Variants in MMS19 observed in about 807,000 individuals in gnomAD.
MMS19 encodes MMS19 cytosolic iron-sulfur assembly component.
In MMS19, 77 loss-of-function variants were observed where a neutral mutation model predicts 129.8. The ratio of observed to expected loss-of-function variants is 0.59; its 90% confidence interval spans 0.49 to 0.72. MMS19 has a LOEUF of 0.72. Ranked by LOEUF, MMS19 falls within the 30% of genes least tolerant of loss-of-function variation. The probability of loss-of-function intolerance (pLI) is 0.00; values close to 1 mark genes in which losing one functional copy is unlikely to be tolerated. For synonymous variants in MMS19, 491 were observed against 502.8 expected, an observed-to-expected ratio of 0.98 and a Z score of 0.31; for missense variants, 1,168 against 1,266.3, an observed-to-expected ratio of 0.92 and a Z score of 1.18.
rs1441612312 is a variant in MMS19 at position 97,461,508 on chromosome 10, T to C, written c.2299A>G (p.Lys767Glu). 6.2e-7 allele frequency: 1 copy of C among 1,606,634 alleles called. No individual in the cohort carries two copies. Among genetic ancestry groups the C allele is most frequent in the Non-Finnish European group, 8.5e-7 (1 of 1,176,558 alleles). Residue 767 changes from lysine to glutamate, a missense_variant, in exon 23 of 31, where the codon AAG (lysine) becomes GAG (glutamate). By Grantham distance (56) the Lys-to-Glu change is moderately conservative. Transcript: ENST00000438925. The part of the protein sequence containing the change: ...AAKCFAGLLN[K>E]HPAGQQLDEF... ...CTGATCTCAGTACCTGCAGGGTGCT[T>C]GTTGAGGAGTCCTGCAAAGCACTTG...
At position 97,459,696 on chromosome 10, in the gene MMS19, C is replaced by T. The variant is rs965288506; in HGVS notation, c.2702G>A (p.Arg901Lys). The T allele has an allele frequency of 3.7e-6, 6 of 1,612,568 alleles. No individual in the cohort carries two copies. Among genetic ancestry groups the T allele is most frequent in the Non-Finnish European group, 5.1e-6 (6 of 1,179,386 alleles). ...YLKGLSHVLN[R>K]LPKPVLLPEL... ...TGGCAAGAGTACAGGCTTGGGCAGCCTGTTAAGTACATGAGAAAGACCCTT... is the reference window on the plus strand; with the variant it reads ...TGGCAAGAGTACAGGCTTGGGCAGCTTGTTAAGTACATGAGAAAGACCCTT... The change falls in exon 27 of 31, where the codon AGG (arginine) becomes AAG (lysine). Residue 901 changes from arginine to lysine, a missense_variant. Around this residue, in one of 3 missense-constraint regions of MMS19, gnomAD observed 831 missense variants for 910.8 expected, o/e 0.91. Transcript: ENST00000438925.
Position 97,470,935 on chromosome 10 carries a change from C to T in MMS19, c.685-74G>A, listed in dbSNP as rs189789568. On this transcript the variant is annotated intron_variant, in intron 8 of 30. Transcript: ENST00000438925. ...TTGAACACAGGCTCGAACCTGGTAACCCTGCAGAACAGGGTGATACTCATA... is the reference window on the plus strand; with the variant it reads ...TTGAACACAGGCTCGAACCTGGTAATCCTGCAGAACAGGGTGATACTCATA... 40 of 1,241,294 alleles carry T rather than the reference C, an allele frequency of 3.2e-5. 1 individual carries two copies. The South Asian group carries it at 5.1e-4, about 16-fold the overall frequency. The allele number at this position is 1,241,294 out of a possible 1,614,324, so 76.9% of individuals were successfully genotyped here.
intron 18 of MMS19, among the ~76,000 whole-genome samples, chr10:97,464,520 C>T (rs2032925526): frequency 6.6e-6 from 1 of 152,084 alleles, no homozygotes; most frequent in Non-Finnish European, 1.5e-5. Flanking sequence ...CTACGAGTTA[C>T]CAGGGTACAC....
At position 97,466,855 on chromosome 10, in the gene MMS19, T is replaced by C. The variant is rs377124121; in HGVS notation, c.1344A>G (p.Val448=). Residue 448 remains valine, a synonymous_variant, in exon 15 of 31, where the codon GTA becomes GTG. Coordinates refer to ENST00000438925, the MANE Select transcript of MMS19 (RefSeq NM_022362.5). ...TGCTGGGGTCTGTTAGAGCCATGAA[T>C]ACCAGTGAGCACAGCTGGTCCTTGA... ...NGFKDQLCSL[V]FMALTDPSTQ... The C allele has an allele frequency of 9.3e-6, 15 of 1,613,884 alleles. No individual in the cohort carries two copies. Among genetic ancestry groups the C allele is most frequent in the Non-Finnish European group, 1.2e-5 (14 of 1,179,878 alleles).
At chr10:97,497,230 T>C (rs1326438810) in intron 1 of MMS19, among the ~76,000 whole-genome samples, 1 of 152,226 alleles carries the variant, frequency 6.6e-6, no homozygotes, top group South Asian at 2.1e-4. Flanking sequence ...TATATTCCTA[T>C]TGCTTTGCAT....
In MMS19 at chr10:97,470,798, C is replaced by T; in HGVS notation, c.748G>A (p.Ala250Thr). Residue 250 changes from alanine (A) to threonine (T), a missense_variant, in exon 9 of 31, where the codon GCT becomes ACT. Physicochemically the swap from Ala to Thr is moderately conservative, Grantham distance 58. Transcript: ENST00000438925. ...ACCTCAGCAAATCGTGGTGTAGAAGCCAGCACAGCGCGAAGACTCAGGATG... is the reference window on the plus strand; with the variant it reads ...ACCTCAGCAAATCGTGGTGTAGAAGTCAGCACAGCGCGAAGACTCAGGATG... ...DLILSLRAVL[A>T]STPRFAEFLL... is the part of the protein sequence containing the mutation. The T allele has an allele frequency of 6.2e-7, 1 of 1,613,398 alleles. No homozygotes were observed. Among genetic ancestry groups the T allele is most frequent in the South Asian group, 1.1e-5 (1 of 91,022 alleles).
Position 97,498,399 on chromosome 10 carries a change from A to G in MMS19, c.-15T>C. 1 of 1,578,390 alleles carries G rather than the reference A, an allele frequency of 6.3e-7. No homozygotes were observed. Among genetic ancestry groups the G allele is most frequent in the Non-Finnish European group, 8.5e-7 (1 of 1,170,344 alleles). ...GCAGCGGCCATAACGCGAACTAGAGACCGTGGGAGGGGATATGGGCGGTGG... is the reference window on the plus strand; with the variant it reads ...GCAGCGGCCATAACGCGAACTAGAGGCCGTGGGAGGGGATATGGGCGGTGG... On this transcript the variant is annotated 5_prime_UTR_variant, in exon 1 of 31. Transcript: ENST00000438925.
chr10:97,482,109 G>A (rs966009990), intron 2 of MMS19, among the ~76,000 whole-genome samples: 3 of 152,200 alleles, frequency 2.0e-5, no homozygotes, highest in African/African-American at 4.8e-5. Flanking sequence ...CCAGGAGATC[G>A]AGGCTGCAGT....
Position 97,458,728 on chromosome 10 carries a change from A to G in MMS19, c.3066-9T>C. On this transcript the variant is annotated splice_polypyrimidine_tract_variant and intron_variant, in intron 30 of 30. Transcript: ENST00000438925. ...GGCTCCCCAACAGAAACCTGTAGGC[A>G]AAAAGAAAGTTGGCAGCATTAGTGA... The G allele has an allele frequency of 6.2e-7, 1 of 1,611,910 alleles. No homozygotes were observed. The highest frequency in any genetic ancestry group is 8.5e-7 in the Non-Finnish European group (1 of 1,178,902).
intron 14 of MMS19, 129 bp downstream of exon 14, chr10:97,467,376 C>G (rs2033726457): frequency 1.5e-6 from 1 of 652,490 alleles, no homozygotes; most frequent in Non-Finnish European, 2.7e-6. Flanking sequence ...TAAGTGTTCT[C>G]TTGTGCTACA....
chr10:97,469,561 G>A (rs1008664769), intron 11 of MMS19, 85 bp downstream of exon 11: 1 of 1,139,538 alleles, frequency 8.8e-7, no homozygotes, highest in East Asian at 2.4e-5. Context: ...GGGGATGACA[G>A]AGGGAAAAGG....
intron 1 of MMS19, among the ~76,000 whole-genome samples, chr10:97,492,139 A>T (rs983438851): frequency 6.9e-6 from 1 of 144,152 alleles, no homozygotes; most frequent in African/African-American, 2.5e-5. Flanking sequence ...CTCAATCTAA[A>T]AAAAAAAAAA....
At chr10:97,475,119 G>A (rs1462452274) in intron 8 of MMS19, among the ~76,000 whole-genome samples, 7 of 152,262 alleles carry the variant, frequency 4.6e-5, no homozygotes, top group Non-Finnish European at 1.0e-4. Context: ...GGAATATTAT[G>A]CAGCCATAAA....
chr10:97,468,449 G>A (rs2033983857), intron 12 of MMS19, 43 bp from the exon 13 acceptor site: 5 of 1,540,830 alleles, frequency 3.2e-6, no homozygotes, highest in Non-Finnish European at 4.4e-6. Context: ...GAGGCCAAAT[G>A]GTGCCTGACT....
intron 1 of MMS19, among the ~76,000 whole-genome samples, chr10:97,489,554 G>C (rs2038519035): frequency 6.6e-6 from 1 of 152,206 alleles, no homozygotes; most frequent in Admixed American, 6.5e-5. Flanking sequence ...TAAGAGATTA[G>C]GTTAGCACTG....
At chr10:97,489,804 C>T (rs2038575469) in intron 1 of MMS19, among the ~76,000 whole-genome samples, 1 of 152,194 alleles carries the variant, frequency 6.6e-6, no homozygotes, top group Admixed American at 6.5e-5. Flanking sequence ...ATGTTTCCCT[C>T]ATGTTTAGAC....
At chr10:97,491,564 C>CT (rs1381811800) in intron 1 of MMS19, among the ~76,000 whole-genome samples, 3 of 152,160 alleles carry the variant, frequency 2.0e-5, no homozygotes, top group Non-Finnish European at 4.4e-5. Flanking sequence ...ACTCAGGAGA[C>CT]TGAGGCAGAA....
intron 2 of MMS19, among the ~76,000 whole-genome samples, chr10:97,482,108 C>T (rs1017596695): frequency 1.3e-5 from 2 of 152,078 alleles, no homozygotes; most frequent in Non-Finnish European, 2.9e-5. Context: ...CCCAGGAGAT[C>T]GAGGCTGCAG....
chr10:97,497,144 C>G (rs563343565), intron 1 of MMS19, among the ~76,000 whole-genome samples: 2 of 152,306 alleles, frequency 1.3e-5, no homozygotes, highest in Admixed American at 1.3e-4. Context: ...ACGCTGCACA[C>G]ACCTCTTACA....
Sources: gnomAD v4.1 joint callset for allele counts (sites outside exome capture counted in the v4.1 genomes callset) on GRCh38, gnomAD v4.1.1 for gene constraint, gnomAD v4.1.1 regional missense constraint, MANE v1.5 for transcripts, NCBI Gene and HGNC (gene_info 2026-07-23, HGNC 2026-07-21) for gene names.